Variants in ZC4H2 observed in about 807,000 individuals in gnomAD.
ZC4H2 encodes the protein zinc finger C4H2 domain-containing protein.
For missense variants in ZC4H2, 137 were observed against 173.9 expected (o/e 0.79, Z 1.19); for synonymous variants, 84 against 66.3 (o/e 1.27, Z -1.30).
intron 1 of ZC4H2, among the ~76,000 whole-genome samples, chrX:64,936,939 G>T (rs996355061): frequency 9.0e-6 from 1 of 111,501 alleles, no homozygotes; most frequent in African/African-American, 3.3e-5. Context: ...AAATGTAAAC[G>T]AGCTAAATGC....
At chrX:65,009,393 T>C (rs949530409) in intron 1 of ZC4H2, among the ~76,000 whole-genome samples, 1 of 111,047 alleles carries the variant, frequency 9.0e-6, no homozygotes, top group Non-Finnish European at 1.9e-5. Flanking sequence ...AGTTTGAAAA[T>C]AGTTACTATC....
intron 1 of ZC4H2, among the ~76,000 whole-genome samples, chrX:64,959,597 C>T (rs1602420320): frequency 9.2e-6 from 1 of 108,261 alleles, no homozygotes; most frequent in African/African-American, 3.4e-5. Flanking sequence ...TACAAAATAG[C>T]TTTCTATTTT....
chrX:64,932,283 A>G (rs1292151979), intron 1 of ZC4H2, among the ~76,000 whole-genome samples: 2 of 111,318 alleles, frequency 1.8e-5, no homozygotes, highest in Non-Finnish European at 3.8e-5. Flanking sequence ...AAAACAACAC[A>G]TACTTGGTTG....
rs187383606 is a variant in ZC4H2 at position 64,993,372 on chromosome X, A to C, written c.-272+41257T>G. ...CTTAATCTCAGGTTTCCTAGTTGCT[A>C]TGACCTGAGTCTTTGTGTCCTCCTA... On this transcript the variant is annotated intron_variant, in intron 1 of 4. Transcript: ENST00000337990. Among the ~76,000 whole-genome samples the C allele has an allele frequency of 1.1e-3, 122 of 111,523 alleles. 1 individual carries two copies. In the East Asian group the frequency reaches 0.023, roughly 21 times the overall value.
chrX:65,022,617 T>C (rs984285865), intron 1 of ZC4H2, among the ~76,000 whole-genome samples: 1 of 111,515 alleles, frequency 9.0e-6, no homozygotes, highest in African/African-American at 3.3e-5. Flanking sequence ...TACAAAATCA[T>C]TGTGCAAAAA....
intron 4 of ZC4H2, 62 bp from the exon 5 acceptor site, chrX:64,917,958 C>T: frequency 8.8e-7 from 1 of 1,136,424 alleles, no homozygotes; most frequent in Non-Finnish European, 1.2e-6. Flanking sequence ...ACAACTTAGA[C>T]TTCTGATTCC....
intron 1 of ZC4H2, among the ~76,000 whole-genome samples, chrX:65,020,781 G>A (rs1256347680): frequency 8.9e-6 from 1 of 111,742 alleles, no homozygotes; most frequent in Non-Finnish European, 1.9e-5. Context: ...CTGTACTCAG[G>A]AGCCCCATCT....
chrX:64,934,448 A>G (rs775095284), intron 1 of ZC4H2, among the ~76,000 whole-genome samples: 1 of 112,411 alleles, frequency 8.9e-6, no homozygotes, highest in East Asian at 2.8e-4. Context: ...ATTTACACGT[A>G]CACAGTTGTT....
At chrX:65,015,663 C>T (rs1932792643) in intron 1 of ZC4H2, among the ~76,000 whole-genome samples, 1 of 112,239 alleles carries the variant, frequency 8.9e-6, no homozygotes, top group Non-Finnish European at 1.9e-5. Flanking sequence ...TTTTCTCTGC[C>T]TCCTGCATCT....
At chrX:64,958,302 T>C (rs1196133327) in intron 1 of ZC4H2, among the ~76,000 whole-genome samples, 4 of 112,016 alleles carry the variant, frequency 3.6e-5, no homozygotes. Flanking sequence ...TTCAGCTCCA[T>C]TGTAATCTTC....
chrX:64,954,390 T>TATATATATAATTATATA (rs1931066204), intron 1 of ZC4H2, among the ~76,000 whole-genome samples: 1 of 72,180 alleles, frequency 1.4e-5, no homozygotes, highest in African/African-American at 1.3e-4. Flanking sequence ...ATATTTATAA[T>TATATATATAATTATATA]TATATATATA....
chrX:65,032,113 G>A (rs1297848698), intron 1 of ZC4H2, among the ~76,000 whole-genome samples: 2 of 111,490 alleles, frequency 1.8e-5, no homozygotes, highest in Admixed American at 9.5e-5. Context: ...TGTGGGCAAA[G>A]GAGCTCAGAT....
chrX:64,990,450 T>C (rs755839984), intron 1 of ZC4H2, among the ~76,000 whole-genome samples: 1 of 111,614 alleles, frequency 9.0e-6, no homozygotes, highest in East Asian at 2.8e-4. Flanking sequence ...CTTGATTATA[T>C]TAATGTCAAT....
intron 1 of ZC4H2, chrX:65,034,578 C>G (rs888591759): frequency 8.9e-6 from 1 of 112,302 alleles, no homozygotes; most frequent in African/African-American, 3.2e-5. Context: ...CCCAAGTCCT[C>G]GGGCCTATCG....
chrX:65,026,987 C>G (rs7062734), intron 1 of ZC4H2, among the ~76,000 whole-genome samples: 26,956 of 111,649 alleles, frequency 0.24, 7,714 homozygotes, highest in African/African-American at 0.83. Flanking sequence ...AACCAGACCA[C>G]GATGAAATAT....
At chrX:64,994,573 C>T (rs1007385517) in intron 1 of ZC4H2, among the ~76,000 whole-genome samples, 2 of 111,778 alleles carry the variant, frequency 1.8e-5, no homozygotes, top group Non-Finnish European at 3.8e-5. Flanking sequence ...CCATTTCCAG[C>T]CTTTGAACTT....
intron 1 of ZC4H2, among the ~76,000 whole-genome samples, chrX:65,026,703 C>T (rs778320146): frequency 9.2e-6 from 1 of 108,311 alleles, no homozygotes; most frequent in African/African-American, 3.4e-5. Context: ...AGCGAGACTC[C>T]GTCTCAGGAA....
At chrX:64,957,622 G>T (rs1456281294) in intron 1 of ZC4H2, among the ~76,000 whole-genome samples, 1 of 110,857 alleles carries the variant, frequency 9.0e-6, no homozygotes, top group Non-Finnish European at 1.9e-5. Context: ...CATTTTGGGA[G>T]GCCAAGGCAG....
intron 1 of ZC4H2, among the ~76,000 whole-genome samples, chrX:65,000,872 G>A (rs991217149): frequency 9.0e-6 from 1 of 111,551 alleles, no homozygotes; most frequent in Non-Finnish European, 1.9e-5. Flanking sequence ...AAAGCATGAA[G>A]ACAAGATTAG....
Sources: gnomAD v4.1 joint callset for allele counts (sites outside exome capture counted in the v4.1 genomes callset) on GRCh38, gnomAD v4.1.1 for gene constraint, MANE v1.5 for transcripts, NCBI Gene and HGNC (gene_info 2026-07-23, HGNC 2026-07-21) for gene names.